Variants in RSRC2 observed in about 807,000 individuals in gnomAD.
RSRC2 encodes arginine/serine-rich coiled-coil protein 2.
A neutral mutation model predicts 61.3 loss-of-function variants in RSRC2; 5 were observed. That is an observed-to-expected ratio of 0.08 (90% CI 0.04 to 0.17). The LOEUF is 0.17. RSRC2 is among the 10% of genes least tolerant of loss of function. RSRC2 has a pLI of 1.00. For missense variants in RSRC2, 381 were observed against 518.8 expected, an observed-to-expected ratio of 0.73 and a Z score of 2.58; for synonymous variants, 202 against 166.5, an observed-to-expected ratio of 1.21 and a Z score of -1.64.
intron 7 of RSRC2, among the ~76,000 whole-genome samples, chr12:122,509,716 G>C (rs1958352067): frequency 6.6e-6 from 1 of 152,124 alleles, no homozygotes; most frequent in Admixed American, 6.5e-5. Flanking sequence ...TAAACTTTTA[G>C]AGTTTCAAAT....
rs1205969297 is a variant in RSRC2, at chr12:122,522,170, T to A, written c.136A>T (p.Arg46Trp). The change falls in exon 2 of 10, where the codon AGG becomes TGG. Residue 46 changes from arginine (R) to tryptophan (W), a missense_variant. Arg to Trp is a moderately radical substitution (Grantham distance 101). Transcript: ENST00000331738. ...GACTTTCGTTTTCTTTCTCTTGACC[T>A]TGATCGTGATCTTGAATAATGATGT... ...SKHHYSRSRSRSRERKRKSDN... is the reference protein window; with the variant it reads ...SKHHYSRSRSWSRERKRKSDN... 6.2e-7 allele frequency: 1 copy of A among 1,612,582 alleles called. No individual in the cohort carries two copies. The highest frequency in any genetic ancestry group is 1.3e-5 in the African/African-American group (1 of 74,828).
Position 122,517,348 on chromosome 12 carries a change from C to G in RSRC2, c.481G>C (p.Glu161Gln). 1.2e-6 allele frequency: 2 copies of G among 1,613,936 alleles called. No homozygotes were observed. Among genetic ancestry groups the G allele is most frequent in the Non-Finnish European group, 1.7e-6 (2 of 1,179,814 alleles). The change falls in exon 5 of 10, where the codon GAG becomes CAG. Residue 161 changes from glutamate to glutamine, a missense_variant. Transcript: ENST00000331738. ...ERKKSRSRSRERKKSRSRSRE... is the reference protein window; with the variant it reads ...ERKKSRSRSRQRKKSRSRSRE... Reference sequence around the variant, plus strand: ...CTTCTGGATCTCGATTTCTTCCTCTCTCTGCTTCTGGATCTCGATTTCTTC... The same window carrying G: ...CTTCTGGATCTCGATTTCTTCCTCTGTCTGCTTCTGGATCTCGATTTCTTC...
At position 122,518,970 on chromosome 12, in the gene RSRC2, A is replaced by G. The variant is rs570331308; in HGVS notation, c.267T>C (p.Asn89=). Residue 89 remains asparagine (N), a synonymous_variant, in exon 4 of 10, where the codon AAT becomes AAC. Coordinates refer to ENST00000331738, the MANE Select transcript of RSRC2 (RefSeq NM_023012.6). ...SSKKHKSEEH[N]DKEHSSDKGR... is the part of the protein sequence containing the mutation. Reference sequence around the variant, plus strand: ...CTTTATCAGAAGAATGTTCTTTGTCATTATGTTCCTCAGACTTATGTTTCT... The same window carrying G: ...CTTTATCAGAAGAATGTTCTTTGTCGTTATGTTCCTCAGACTTATGTTTCT... 12 of 1,613,624 alleles carry G rather than the reference A, an allele frequency of 7.4e-6. No individual in the cohort carries two copies. The highest frequency in any genetic ancestry group is 2.2e-5 in the East Asian group (1 of 44,854).
intron 8 of RSRC2, 124 bp downstream of exon 8, chr12:122,508,094 G>A (rs1958247530): frequency 7.1e-6 from 6 of 846,970 alleles, no homozygotes; most frequent in South Asian, 2.8e-5. Flanking sequence ...TAAGCCACCC[G>A]CGTCTGGCCA....
rs1555212969 is a variant in RSRC2, at chr12:122,511,097, G to A, written c.805+12C>T. The A allele has an allele frequency of 1.3e-6, 2 of 1,581,230 alleles. No homozygotes were observed. The highest frequency in any genetic ancestry group is 1.4e-5 in the African/African-American group (1 of 73,968). ...CAAATCGAGATGACTAAAAAAGAAT[G>A]AAAAAAATTACCTGCAGCTATTTCT... On this transcript the variant is annotated intron_variant, in intron 7 of 9. Coordinates refer to ENST00000331738, the MANE Select transcript of RSRC2 (RefSeq NM_023012.6).
intron 4 of RSRC2, among the ~76,000 whole-genome samples, chr12:122,517,819 C>A (rs1279422899): frequency 6.6e-6 from 1 of 152,120 alleles, no homozygotes; most frequent in South Asian, 2.1e-4. Flanking sequence ...AAACCATTCA[C>A]AAATTTGAGC....
chr12:122,526,643 C>T (rs1218472122), intron 1 of RSRC2, among the ~76,000 whole-genome samples: 5 of 151,966 alleles, frequency 3.3e-5, no homozygotes, highest in Admixed American at 2.6e-4. Context: ...AAAAAAAAGG[C>T]ACTCCCTGCG....
At position 122,508,442 on chromosome 12, in the gene RSRC2, C is replaced by T; in HGVS notation, c.811G>A (p.Ala271Thr). 1 of 1,612,860 alleles carries T rather than the reference C, an allele frequency of 6.2e-7. No individual in the cohort carries two copies. The change falls in exon 8 of 10, where the codon GCT becomes ACT. Residue 271 changes from alanine (A) to threonine (T), a missense_variant. Transcript: ENST00000331738. ...ACATTGAGAACAGAACCTCCAGTAG[C>T]TGCAGCTGCTTGAAGAGAATACAAA... is the stretch of plus-strand genomic sequence containing the variant. ...QKQQEIAAAA[A>T]TGGSVLNVAA...
At chr12:122,526,712 T>A in intron 1 of RSRC2, 136 bp downstream of exon 1, 1 of 935,078 alleles carries the variant, frequency 1.1e-6, no homozygotes, top group Non-Finnish European at 1.7e-6. Context: ...GCAGCCATGA[T>A]GGCGGGCGCA....
At chr12:122,514,891 AG>A (rs1174328371) in intron 6 of RSRC2, 1 of 682,474 alleles carries the variant, frequency 1.5e-6, no homozygotes, top group Admixed American at 3.6e-5. Flanking sequence ...TAAATCATGA[AG>A]GAAAAAACAG....
chr12:122,505,452 A>T lies in RSRC2; in HGVS notation c.*75T>A. The T allele has an allele frequency of 7.2e-7, 1 of 1,381,892 alleles. No homozygotes were observed. The highest frequency in any genetic ancestry group is 1.0e-6 in the Non-Finnish European group (1 of 994,256). 85.6% of individuals were successfully genotyped at this position (1,381,892 alleles called of 1,614,324 possible). ...CAACACCCATGCAAGCTAGAGTGCTAGCTGTTTGGTGAACAAGGACGTGAC... is the reference window on the plus strand; with the variant it reads ...CAACACCCATGCAAGCTAGAGTGCTTGCTGTTTGGTGAACAAGGACGTGAC... On this transcript the variant is annotated 3_prime_UTR_variant, in exon 10 of 10. Coordinates refer to ENST00000331738, the MANE Select transcript of RSRC2 (RefSeq NM_023012.6).
chr12:122,518,425 T>C (rs1959091026), intron 4 of RSRC2, among the ~76,000 whole-genome samples: 1 of 151,858 alleles, frequency 6.6e-6, no homozygotes, highest in Admixed American at 6.6e-5. Flanking sequence ...AAACCTCATC[T>C]CTACTAAAAA....
In RSRC2 at chr12:122,526,855, G is replaced by A. The variant is rs765648060; in HGVS notation, c.-2C>T. ...CTCAGATTCGGTACCTACCGCCATA[G>A]TTCAGAGTCCCGGCCGCTAGAGCGG... On this transcript the variant is annotated 5_prime_UTR_variant, in exon 1 of 10. Transcript: ENST00000331738. 1.9e-6 allele frequency: 3 copies of A among 1,614,236 alleles called. No individual in the cohort carries two copies. Among genetic ancestry groups the A allele is most frequent in the African/African-American group, 2.7e-5 (2 of 75,082 alleles).
intron 5 of RSRC2, 85 bp downstream of exon 5, chr12:122,517,142 A>T: frequency 6.3e-7 from 1 of 1,579,018 alleles, no homozygotes; most frequent in South Asian, 1.1e-5. Context: ...ATTGTGACTC[A>T]CAATTTTAAT....
At chr12:122,519,085 T>A in intron 3 of RSRC2, 56 bp from the exon 4 acceptor site, 1 of 1,450,114 alleles carries the variant, frequency 6.9e-7, no homozygotes, top group Non-Finnish European at 9.6e-7. Flanking sequence ...AGAGAGTTAG[T>A]ATGGGTATCA....
At chr12:122,514,790 T>G in intron 6 of RSRC2, 1 of 968,150 alleles carries the variant, frequency 1.0e-6, no homozygotes, top group East Asian at 5.9e-5. Context: ...AAATAATAGT[T>G]CTTGAACCAG....
chr12:122,525,801 G>GTTTTTTTTTT lies in RSRC2; in HGVS notation c.6+1037_6+1046dup, dbSNP rs1169838098. Among the ~76,000 whole-genome samples the GTTTTTTTTTT allele has an allele frequency of 2.3e-4, 5 of 21,502 alleles. 2 individuals carry two copies. Among genetic ancestry groups the GTTTTTTTTTT allele is most frequent in the African/African-American group, 1.1e-3 (3 of 2,686 alleles). The allele number at this position is 21,502 out of a possible 152,430, so 14.1% of individuals were successfully genotyped here. ...GTAGCTCCTCTGGGGTCAACGAAGAGTTTTTTTTTTTTTTTTTTTTTTTTT... is the reference window on the plus strand; with the variant it reads ...GTAGCTCCTCTGGGGTCAACGAAGAGTTTTTTTTTTTTTTTTTTTTTTTTTTTTTTTTTTT... On this transcript the variant is annotated intron_variant, in intron 1 of 9. Coordinates refer to ENST00000331738, the MANE Select transcript of RSRC2 (RefSeq NM_023012.6).
intron 3 of RSRC2, 119 bp downstream of exon 3, chr12:122,521,266 A>T (rs1165969056): frequency 6.0e-6 from 4 of 664,504 alleles, no homozygotes; most frequent in Non-Finnish European, 1.0e-5. Flanking sequence ...TAACCCAATA[A>T]ACCTTTTAAA....
chr12:122,523,454 T>TG (rs1959543090), intron 1 of RSRC2: 1 of 152,186 alleles, frequency 6.6e-6, no homozygotes, highest in Non-Finnish European at 1.5e-5. Flanking sequence ...AGGCAGACGT[T>TG]GAAGTGAGCT....
Sources: gnomAD v4.1 joint callset for allele counts (sites outside exome capture counted in the v4.1 genomes callset) on GRCh38, gnomAD v4.1.1 for gene constraint, MANE v1.5 for transcripts, NCBI Gene and HGNC (gene_info 2026-07-23, HGNC 2026-07-21) for gene names.